CSMD3: variants seen among roughly 807,000 people sequenced by gnomAD.
CSMD3 encodes the protein CUB and sushi domain-containing protein 3.
In CSMD3, 177 loss-of-function variants were observed where a neutral mutation model predicts 435.2. The ratio of observed to expected loss-of-function variants is 0.41; its 90% confidence interval spans 0.36 to 0.46. The LOEUF is 0.46. Ranked by LOEUF, CSMD3 falls within the 20% of genes least tolerant of loss-of-function variation. CSMD3 has a pLI of 0.34. For synonymous variants in CSMD3, 1,656 were observed against 1,520.5 expected, an observed-to-expected ratio of 1.09 and a Z score of -2.07; for missense variants, 4,265 against 4,504.6, an observed-to-expected ratio of 0.95 and a Z score of 1.52.
chr8:113,086,981 AAT>A (rs1463416803), intron 5 of CSMD3, among the ~76,000 whole-genome samples: 2 of 152,152 alleles, frequency 1.3e-5, no homozygotes, highest in Non-Finnish European at 2.9e-5. Context: ...TTAATATCTG[AAT>A]ATGTTTTGTT....
intron 22 of CSMD3, among the ~76,000 whole-genome samples, chr8:112,629,769 A>G (rs896679564): frequency 1.3e-5 from 2 of 152,172 alleles, no homozygotes; most frequent in Non-Finnish European, 2.9e-5. Context: ...ACAGACTTTA[A>G]GTTGAACCCC....
chr8:112,513,273 A>G (rs1167134578), intron 28 of CSMD3, among the ~76,000 whole-genome samples: 1 of 152,162 alleles, frequency 6.6e-6, no homozygotes. Context: ...CTTCCTCACT[A>G]AGCTTCATCA....
chr8:112,535,336 A>T (rs1375625175), intron 27 of CSMD3, among the ~76,000 whole-genome samples: 8 of 152,180 alleles, frequency 5.3e-5, no homozygotes, highest in Admixed American at 2.0e-4. Flanking sequence ...CAGGATACAA[A>T]ATCAGTGTAC....
intron 68 of CSMD3, 103 bp downstream of exon 68, chr8:112,234,262 G>T: frequency 1.4e-6 from 1 of 726,386 alleles, no homozygotes; most frequent in Non-Finnish European, 2.5e-6. Context: ...ATATGTATGT[G>T]TATGTATTCA....
chr8:112,875,927 T>C (rs1225260182), intron 10 of CSMD3, among the ~76,000 whole-genome samples: 1 of 152,154 alleles, frequency 6.6e-6, no homozygotes, highest in Non-Finnish European at 1.5e-5. Context: ...TGTCAATTTG[T>C]CAAACTCATT....
rs150851229 is a variant in CSMD3 at position 113,146,153 on chromosome 8, T to TA, written c.709+27568dup. ...ATATTAACATAACTCAAAAATATAT[T>TA]AGAGTATAGAAAATGAAGCCCAAAA... On this transcript the variant is annotated intron_variant, in intron 4 of 70. Coordinates refer to ENST00000297405, the MANE Select transcript of CSMD3 (RefSeq NM_198123.2). 2.1e-4 allele frequency among the ~76,000 whole-genome samples: 32 copies of TA among 151,672 alleles called. No individual in the cohort carries two copies. In the East Asian group the frequency reaches 6.2e-3, roughly 30 times the overall value.
intron 3 of CSMD3, among the ~76,000 whole-genome samples, chr8:113,189,452 G>C (rs1041690313): frequency 6.6e-6 from 1 of 151,802 alleles, no homozygotes; most frequent in Admixed American, 6.6e-5. Context: ...TGGATTGAGT[G>C]AGAACTGGAG....
chr8:112,772,474 G>T (rs1311808211), intron 13 of CSMD3, among the ~76,000 whole-genome samples: 1 of 152,064 alleles, frequency 6.6e-6, no homozygotes, highest in East Asian at 1.9e-4. Context: ...ACTGCGGAAG[G>T]CCGCAGGGAC....
intron 4 of CSMD3, among the ~76,000 whole-genome samples, chr8:113,136,628 C>T (rs28696836): frequency 0.15 from 22,943 of 151,432 alleles, 3,357 homozygotes; most frequent in African/African-American, 0.38. Context: ...GAGGATTAGA[C>T]GCAGAAACCA....
At chr8:112,364,539 T>C (rs941196394) in intron 38 of CSMD3, among the ~76,000 whole-genome samples, 1 of 152,018 alleles carries the variant, frequency 6.6e-6, no homozygotes, top group African/African-American at 2.4e-5. Flanking sequence ...CCCTCTAGGA[T>C]TTGCCATTAG....
chr8:112,610,914 C>T (rs1052224375), intron 22 of CSMD3, among the ~76,000 whole-genome samples: 2 of 152,160 alleles, frequency 1.3e-5, no homozygotes, highest in Non-Finnish European at 2.9e-5. Flanking sequence ...AAGCTTCATG[C>T]TTTCTTCCTC....
intron 32 of CSMD3, among the ~76,000 whole-genome samples, chr8:112,468,763 A>AT (rs979266668): frequency 3.9e-5 from 6 of 152,116 alleles, no homozygotes; most frequent in African/African-American, 7.2e-5. Flanking sequence ...GATAAGTAGG[A>AT]TTTTTTAAAT....
At chr8:112,756,235 A>G (rs1286595643) in intron 13 of CSMD3, among the ~76,000 whole-genome samples, 1 of 152,138 alleles carries the variant, frequency 6.6e-6, no homozygotes, top group Non-Finnish European at 1.5e-5. Flanking sequence ...TATATATTTA[A>G]TGCATGTTTT....
chr8:113,254,318 C>T (rs574001223), intron 3 of CSMD3, among the ~76,000 whole-genome samples: 10 of 152,292 alleles, frequency 6.6e-5, no homozygotes, highest in South Asian at 4.1e-4. Flanking sequence ...AAGCTGGAAG[C>T]GTGCATGATT....
chr8:113,238,978 C>T (rs2093181116), intron 3 of CSMD3, among the ~76,000 whole-genome samples: 1 of 152,130 alleles, frequency 6.6e-6, no homozygotes, highest in African/African-American at 2.4e-5. Flanking sequence ...TGATAGACCA[C>T]ACAAAGCAGG....
chr8:113,170,225 C>A (rs2092242947), intron 4 of CSMD3, among the ~76,000 whole-genome samples: 1 of 152,100 alleles, frequency 6.6e-6, no homozygotes, highest in South Asian at 2.1e-4. Flanking sequence ...AGTCTGCCAT[C>A]TTTTCTTTGG....
intron 2 of CSMD3, among the ~76,000 whole-genome samples, chr8:113,306,482 T>C (rs567370975): frequency 2.2e-4 from 34 of 152,292 alleles, no homozygotes; most frequent in African/African-American, 8.2e-4. Context: ...TTTGTTTCTA[T>C]GACCTAAGGC....
At chr8:112,297,115 T>C (rs1383434057) in intron 53 of CSMD3, among the ~76,000 whole-genome samples, 1 of 151,268 alleles carries the variant, frequency 6.6e-6, no homozygotes, top group African/African-American at 2.4e-5. Flanking sequence ...CCACGGATTT[T>C]TTTTTTTGGC....
rs1210526293 is a variant in CSMD3, at chr8:112,906,945, A to G, written c.1633+14682T>C. 3.7e-4 allele frequency among the ~76,000 whole-genome samples: 56 copies of G among 151,700 alleles called. 1 individual carries two copies. Among genetic ancestry groups the G allele is most frequent in the Admixed American group, 2.6e-4 (4 of 15,160 alleles). ...AGGGTACGCTGCTGAATTATAACGA[A>G]GTATGTCAATGTGTATCATAATGTT... is the stretch of plus-strand genomic sequence containing the variant. On this transcript the variant is annotated intron_variant, in intron 10 of 70. Transcript: ENST00000297405.
Sources: gnomAD v4.1 joint callset for allele counts (sites outside exome capture counted in the v4.1 genomes callset) on GRCh38, gnomAD v4.1.1 for gene constraint, MANE v1.5 for transcripts, NCBI Gene and HGNC (gene_info 2026-07-23, HGNC 2026-07-21) for gene names.